Variants in BTBD9 observed in about 807,000 individuals in gnomAD.
BTBD9 encodes the protein BTB domain containing 9.
BTBD9 carries 49 observed loss-of-function variants against 64.3 expected under a neutral mutation model. That is an observed-to-expected ratio of 0.76 (90% CI 0.61 to 0.97). The LOEUF (loss-of-function observed/expected upper bound fraction) is 0.97, where lower values mean the gene tolerates loss of function less well. BTBD9 is among the 50% of genes least tolerant of loss of function. The pLI, the probability that BTBD9 is intolerant of heterozygous loss-of-function variation, is 0.00. For synonymous variants in BTBD9, 260 were observed against 274.7 expected, an observed-to-expected ratio of 0.95 and a Z score of 0.53; for missense variants, 598 against 762.1, an observed-to-expected ratio of 0.78 and a Z score of 2.53.
intron 1 of BTBD9, among the ~76,000 whole-genome samples, chr6:38,613,487 T>G (rs924129291): frequency 6.6e-6 from 1 of 152,120 alleles, no homozygotes; most frequent in African/African-American, 2.4e-5. Flanking sequence ...CTGGGCATGA[T>G]GGCGGGTCCC....
At chr6:38,193,930 C>T (rs982555839) in intron 9 of BTBD9, 1 of 965,658 alleles carries the variant, frequency 1.0e-6, no homozygotes, top group Non-Finnish European at 1.2e-6. Context: ...AAAGTCATTA[C>T]CATCTTGTGT....
chr6:38,462,200 C>A (rs561670951), intron 6 of BTBD9, among the ~76,000 whole-genome samples: 1 of 152,042 alleles, frequency 6.6e-6, no homozygotes, highest in South Asian at 2.1e-4. Context: ...ATGAATTGTT[C>A]TTTTGATGCT....
At chr6:38,639,728 G>T (rs1216217081) in intron 1 of BTBD9, 72 bp downstream of exon 1, 1 of 152,028 alleles carries the variant, frequency 6.6e-6, no homozygotes, top group African/African-American at 2.4e-5. Flanking sequence ...GCGCGGATAC[G>T]GCGGGGGCGC....
At chr6:38,568,052 GATTTCAAAAGT>G (rs1775600806) in intron 6 of BTBD9, among the ~76,000 whole-genome samples, 1 of 152,160 alleles carries the variant, frequency 6.6e-6, no homozygotes, top group Admixed American at 6.5e-5. Flanking sequence ...ACTGCAAAAT[GATTTCAAAAGT>G]ATACAAGATA....
At chr6:38,425,115 C>CTT (rs10717521) in intron 6 of BTBD9, among the ~76,000 whole-genome samples, 19 of 135,560 alleles carry the variant, frequency 1.4e-4, no homozygotes, top group African/African-American at 4.2e-4. Context: ...CGTGCCCGGC[C>CTT]TTTTTTTTTT....
chr6:38,552,381 A>T (rs1774841861), intron 6 of BTBD9, among the ~76,000 whole-genome samples: 1 of 152,204 alleles, frequency 6.6e-6, no homozygotes, highest in South Asian at 2.1e-4. Flanking sequence ...GGAAGTATAA[A>T]AGTAGTCCAG....
At chr6:38,254,071 G>A (rs1310429539) in intron 9 of BTBD9, among the ~76,000 whole-genome samples, 1 of 150,032 alleles carries the variant, frequency 6.7e-6, no homozygotes, top group Non-Finnish European at 1.5e-5. Context: ...TACCCCTAGA[G>A]CAAGGCTTTT....
intron 6 of BTBD9, among the ~76,000 whole-genome samples, chr6:38,520,791 T>TA (rs1250609886): frequency 1.4e-4 from 14 of 99,792 alleles, no homozygotes; most frequent in African/African-American, 4.9e-4. Flanking sequence ...AATAAAAAAT[T>TA]TAAAAAAAAG....
intron 7 of BTBD9, among the ~76,000 whole-genome samples, chr6:38,337,326 A>C (rs562902869): frequency 6.6e-6 from 1 of 152,356 alleles, no homozygotes; most frequent in South Asian, 2.1e-4. Flanking sequence ...TTACTTTCCC[A>C]AAAATTTTAC....
intron 6 of BTBD9, among the ~76,000 whole-genome samples, chr6:38,352,640 T>C (rs1481907147): frequency 1.3e-5 from 2 of 152,192 alleles, no homozygotes; most frequent in Non-Finnish European, 2.9e-5. Context: ...ACATGTGTAG[T>C]AGTGGTAGAG....
chr6:38,614,791 C>G (rs926152534), intron 1 of BTBD9, among the ~76,000 whole-genome samples: 2 of 152,210 alleles, frequency 1.3e-5, no homozygotes, highest in African/African-American at 4.8e-5. Context: ...CACTCGGACC[C>G]TCACATAGTT....
chr6:38,394,094 A>G (rs1427670241), intron 6 of BTBD9, among the ~76,000 whole-genome samples: 1 of 152,174 alleles, frequency 6.6e-6, no homozygotes, highest in Non-Finnish European at 1.5e-5. Context: ...CTGAGAACCT[A>G]TGATGTGTTG....
At chr6:38,265,380 C>A (rs1157342726) in intron 8 of BTBD9, among the ~76,000 whole-genome samples, 1 of 151,822 alleles carries the variant, frequency 6.6e-6, no homozygotes, top group East Asian at 1.9e-4. Context: ...ATAGTATAAT[C>A]TAGGTATGTT....
intron 6 of BTBD9, among the ~76,000 whole-genome samples, chr6:38,429,514 G>A (rs1338713982): frequency 6.6e-6 from 1 of 150,522 alleles, no homozygotes; most frequent in Non-Finnish European, 1.5e-5. Flanking sequence ...ACCCTATTGA[G>A]CACCTTGCAC....
intron 6 of BTBD9, among the ~76,000 whole-genome samples, chr6:38,471,129 C>T (rs780286557): frequency 1.3e-5 from 2 of 151,796 alleles, no homozygotes; most frequent in Admixed American, 6.6e-5. Context: ...TAATTTTCTG[C>T]AAATGTACTT....
chr6:38,388,027 G>C (rs1766254639), intron 6 of BTBD9, among the ~76,000 whole-genome samples: 1 of 151,866 alleles, frequency 6.6e-6, no homozygotes, highest in Admixed American at 6.6e-5. Context: ...ACAGTCCCTG[G>C]GACTGTAGTC....
chr6:38,414,266 A>T (rs558888872), intron 6 of BTBD9, among the ~76,000 whole-genome samples: 3 of 152,160 alleles, frequency 2.0e-5, no homozygotes, highest in African/African-American at 4.8e-5. Context: ...TCTCCCTGCT[A>T]TCTGGAATAG....
intron 6 of BTBD9, among the ~76,000 whole-genome samples, chr6:38,517,023 G>A (rs566929124): frequency 1.3e-5 from 2 of 152,296 alleles, no homozygotes; most frequent in South Asian, 4.1e-4. Context: ...CAAGTGTCCA[G>A]AGCTCCAAAG....
intron 6 of BTBD9, among the ~76,000 whole-genome samples, chr6:38,539,207 C>T (rs1426965873): frequency 1.3e-5 from 2 of 152,180 alleles, no homozygotes; most frequent in Non-Finnish European, 2.9e-5. Context: ...ACTGGGATTA[C>T]AGGCATGAGC....
Sources: gnomAD v4.1 joint callset for allele counts (sites outside exome capture counted in the v4.1 genomes callset) on GRCh38, gnomAD v4.1.1 for gene constraint, MANE v1.5 for transcripts, NCBI Gene and HGNC (gene_info 2026-07-23, HGNC 2026-07-21) for gene names.